The following ATG7 variants were observed in gnomAD, a reference collection of about 807,000 sequenced individuals.
ATG7 encodes autophagy related 7, also known as ubiquitin-like modifier-activating enzyme ATG7.
In ATG7, 70 loss-of-function variants were observed where a neutral mutation model predicts 82.4. That is an observed-to-expected ratio of 0.85 (90% CI 0.70 to 1.04). The LOEUF is 1.04. Ranked by LOEUF, ATG7 falls within the 50% of genes least tolerant of loss-of-function variation. ATG7 has a pLI of 0.00. For synonymous variants in ATG7, 287 were observed against 313.0 expected, an observed-to-expected ratio of 0.92 and a Z score of 0.88; for missense variants, 792 against 864.3, an observed-to-expected ratio of 0.92 and a Z score of 1.05.
chr3:11,415,170 G>A (rs1425094935), intron 19 of ATG7, among the ~76,000 whole-genome samples: 1 of 152,164 alleles, frequency 6.6e-6, no homozygotes, highest in African/African-American at 2.4e-5. Context: ...GTATCTCAAT[G>A]TATCTCAATA....
chr3:11,272,954 A>G (rs1406197462), intron 1 of ATG7, among the ~76,000 whole-genome samples: 1 of 152,244 alleles, frequency 6.6e-6, no homozygotes, highest in African/African-American at 2.4e-5. Flanking sequence ...GCACAATAAG[A>G]ATCAATCCGG....
chr3:11,296,115 A>G (rs915234387), intron 3 of ATG7, among the ~76,000 whole-genome samples: 3 of 152,152 alleles, frequency 2.0e-5, no homozygotes, highest in Admixed American at 6.5e-5. Flanking sequence ...AACTGCGGAC[A>G]TTCTCTAGGA....
chr3:11,365,299 A>G lies in ATG7; in HGVS notation c.1875+565A>G, dbSNP rs796835918. Among the ~76,000 whole-genome samples, 8 of 152,318 alleles carry G rather than the reference A, an allele frequency of 5.3e-5. 1 individual carries two copies. Among genetic ancestry groups the G allele is most frequent in the African/African-American group, 1.9e-4 (8 of 41,564 alleles). Reference sequence around the variant, plus strand: ...AAATAGAAAACCTTTATAGGCAGGCATGAGAAAAACATTAGAAGCATGCAG... The same window carrying G: ...AAATAGAAAACCTTTATAGGCAGGCGTGAGAAAAACATTAGAAGCATGCAG... On this transcript the variant is annotated intron_variant, in intron 18 of 20. Transcript: ENST00000693202.
chr3:11,342,673 T>G lies in ATG7; in HGVS notation c.1125+394T>G, dbSNP rs1261856124. Among the ~76,000 whole-genome samples the G allele has an allele frequency of 2.0e-5, 3 of 152,178 alleles. No individual in the cohort carries two copies. The South Asian group carries it at 6.2e-4, about 31-fold the overall frequency. On this transcript the variant is annotated intron_variant, in intron 13 of 20. Coordinates refer to ENST00000693202, the MANE Select transcript of ATG7 (RefSeq NM_001349232.2). ...ATTTTTAACTAGATAGAAAAATGAC[T>G]GTAGCTACCTTTCTGTGTTTCCATA...
chr3:11,406,458 AC>A (rs998454780), intron 19 of ATG7, among the ~76,000 whole-genome samples: 12 of 152,082 alleles, frequency 7.9e-5, no homozygotes, highest in African/African-American at 2.7e-4. Flanking sequence ...AGCACCTGCT[AC>A]TGTGCCCAGT....
At chr3:11,490,198 T>C (rs1442274361) in intron 20 of ATG7, among the ~76,000 whole-genome samples, 1 of 152,258 alleles carries the variant, frequency 6.6e-6, no homozygotes, top group Non-Finnish European at 1.5e-5. Flanking sequence ...TAGTTAGCTC[T>C]TGTTGTTGAA....
At chr3:11,374,672 G>A (rs11918418) in intron 18 of ATG7, among the ~76,000 whole-genome samples, 12,590 of 152,018 alleles carry the variant, frequency 0.083, 647 homozygotes, top group African/African-American at 0.15. Context: ...TTGGGAGTCC[G>A]AGGCGGGCAG....
intron 20 of ATG7, among the ~76,000 whole-genome samples, chr3:11,508,854 G>C (rs1469433777): frequency 2.0e-5 from 3 of 152,186 alleles, no homozygotes; most frequent in African/African-American, 7.2e-5. Flanking sequence ...TTTGTCTCTT[G>C]CTTAAAGCAA....
intron 19 of ATG7, among the ~76,000 whole-genome samples, chr3:11,404,125 ATTTTTTT>A (rs10591303): frequency 5.2e-5 from 4 of 76,938 alleles, no homozygotes; most frequent in African/African-American, 1.1e-4. Flanking sequence ...AACCAGCTCA[ATTTTTTT>A]TTTTTTTTTT....
intron 6 of ATG7, chr3:11,308,599 C>T (rs543172733): frequency 1.0e-5 from 2 of 200,432 alleles, no homozygotes; most frequent in East Asian, 1.3e-4. Flanking sequence ...ATCTAGACTG[C>T]GAGTGTCTTG....
chr3:11,432,449 G>T (rs1179622773), intron 20 of ATG7, among the ~76,000 whole-genome samples: 1 of 71,444 alleles, frequency 1.4e-5, no homozygotes, highest in Non-Finnish European at 2.8e-5. Flanking sequence ...TTTTTATGAA[G>T]AAGGAGCCTT....
intron 1 of ATG7, among the ~76,000 whole-genome samples, chr3:11,273,519 C>G (rs1008036426): frequency 2.0e-5 from 3 of 152,184 alleles, no homozygotes; most frequent in Non-Finnish European, 2.9e-5. Context: ...CTTTTCTTCT[C>G]TAGGCTAAGC....
At chr3:11,549,462 C>T (rs942323766) in intron 20 of ATG7, among the ~76,000 whole-genome samples, 2 of 152,192 alleles carry the variant, frequency 1.3e-5, no homozygotes, top group South Asian at 2.1e-4. Context: ...ATTCATACTA[C>T]GTAACTGCCA....
intron 20 of ATG7, among the ~76,000 whole-genome samples, chr3:11,452,747 T>C (rs937932452): frequency 7.2e-5 from 11 of 152,054 alleles, no homozygotes; most frequent in Non-Finnish European, 1.3e-4. Context: ...GAACTGAGGG[T>C]TAGAGAGTAA....
rs1553635511 is a variant in ATG7 at position 11,378,684 on chromosome 3, C to CCAAAA, written c.1876-1287_1876-1283dup. Among the ~76,000 whole-genome samples the CCAAAA allele has an allele frequency of 2.2e-4, 5 of 22,992 alleles. No homozygotes were observed. The East Asian group carries it at 7.4e-3, about 34-fold the overall frequency. 15.1% of individuals were successfully genotyped at this position (22,992 alleles called of 152,430 possible). A position where few individuals can be genotyped will look rare whatever the true frequency, so the allele number is the denominator to read the frequency against. ...TGGGCGACAGAGTGAGACTCCATCT[C>CCAAAA]CAAAAAAAAAAAAAAAAAAAAAAAA... On this transcript the variant is annotated intron_variant, in intron 18 of 20. Transcript: ENST00000693202.
At chr3:11,339,598 C>T (rs1354175391) in intron 11 of ATG7, among the ~76,000 whole-genome samples, 1 of 152,154 alleles carries the variant, frequency 6.6e-6, no homozygotes, top group East Asian at 1.9e-4. Context: ...ATTTACAAGG[C>T]TGTGGTTCCA....
intron 19 of ATG7, among the ~76,000 whole-genome samples, chr3:11,408,763 C>T (rs2080604045): frequency 6.6e-6 from 1 of 152,142 alleles, no homozygotes. Context: ...GAAAGACCCA[C>T]CCCCATGATT....
intron 20 of ATG7, among the ~76,000 whole-genome samples, chr3:11,450,276 G>A (rs1310222046): frequency 6.6e-6 from 1 of 152,198 alleles, no homozygotes; most frequent in African/African-American, 2.4e-5. Flanking sequence ...CTACTACTTT[G>A]TAGTGTCTTT....
At chr3:11,514,849 T>G (rs2092214646) in intron 20 of ATG7, among the ~76,000 whole-genome samples, 1 of 151,640 alleles carries the variant, frequency 6.6e-6, no homozygotes, top group Admixed American at 6.6e-5. Flanking sequence ...GGTTTTTTTT[T>G]TTTTTTTTGG....
Sources: allele counts gnomAD v4.1 joint callset (sites outside exome capture counted in the v4.1 genomes callset), GRCh38; gene constraint gnomAD v4.1.1; transcripts MANE v1.5; gene names NCBI Gene and HGNC (gene_info 2026-07-23, HGNC 2026-07-21).